The following STX8 variants were observed in gnomAD, a reference collection of about 807,000 sequenced individuals.
STX8 encodes syntaxin-8.
STX8 carries 23 observed loss-of-function variants against 37.5 expected under a neutral mutation model. The observed-to-expected ratio is 0.61, with a 90% CI of 0.44 to 0.87. STX8 has a LOEUF of 0.87. STX8 is among the 40% of genes least tolerant of loss of function. The pLI, the probability that STX8 is intolerant of heterozygous loss-of-function variation, is 0.00. For synonymous variants in STX8, 115 were observed against 99.1 expected, an observed-to-expected ratio of 1.16 and a Z score of -0.95; for missense variants, 313 against 284.7, an observed-to-expected ratio of 1.10 and a Z score of -0.71.
chr17:9,272,083 C>T (rs1007453623), intron 7 of STX8, among the ~76,000 whole-genome samples: 1 of 152,214 alleles, frequency 6.6e-6, no homozygotes, highest in African/African-American at 2.4e-5. Context: ...TCCTAATCCA[C>T]ACCCACGCCA....
intron 4 of STX8, among the ~76,000 whole-genome samples, chr17:9,518,685 G>A (rs1319402088): frequency 1.3e-5 from 2 of 152,002 alleles, no homozygotes; most frequent in African/African-American, 2.4e-5. Flanking sequence ...TGGCCAACAT[G>A]GTGAAACCCC....
At chr17:9,472,696 G>A (rs569539105) in intron 6 of STX8, among the ~76,000 whole-genome samples, 1 of 152,326 alleles carries the variant, frequency 6.6e-6, no homozygotes, top group South Asian at 2.1e-4. Context: ...CCCTCTTGGA[G>A]GTCAAATAGG....
At chr17:9,525,548 G>A (rs1325830652) in intron 4 of STX8, among the ~76,000 whole-genome samples, 1 of 151,744 alleles carries the variant, frequency 6.6e-6, no homozygotes, top group Non-Finnish European at 1.5e-5. Flanking sequence ...GGGTTTCACC[G>A]TGTTAGCCAG....
At chr17:9,310,975 G>A (rs978728913) in intron 7 of STX8, among the ~76,000 whole-genome samples, 7 of 151,968 alleles carry the variant, frequency 4.6e-5, no homozygotes, top group Admixed American at 3.3e-4. Flanking sequence ...GCAATGGCTC[G>A]TGCCTGTAAT....
At chr17:9,480,692 CAG>C (rs1410472570) in intron 6 of STX8, among the ~76,000 whole-genome samples, 1 of 152,124 alleles carries the variant, frequency 6.6e-6, no homozygotes, top group African/African-American at 2.4e-5. Context: ...GAATGAAATG[CAG>C]ACTTGAGAAG....
At chr17:9,497,867 A>G (rs188294874) in intron 5 of STX8, among the ~76,000 whole-genome samples, 2 of 152,340 alleles carry the variant, frequency 1.3e-5, no homozygotes, top group African/African-American at 2.4e-5. Flanking sequence ...GTTTAAATCA[A>G]TGAATGACCA....
chr17:9,482,109 C>G (rs1906374224), intron 6 of STX8, among the ~76,000 whole-genome samples: 1 of 152,084 alleles, frequency 6.6e-6, no homozygotes, highest in South Asian at 2.1e-4. Context: ...GAGCTCCAGG[C>G]CACAGTGTAC....
intron 6 of STX8, among the ~76,000 whole-genome samples, chr17:9,422,205 A>C (rs1425609861): frequency 6.6e-6 from 1 of 151,926 alleles, no homozygotes; most frequent in Non-Finnish European, 1.5e-5. Context: ...CCTGGGTTCA[A>C]GCAATTCTCC....
chr17:9,280,436 C>T (rs182927102), intron 7 of STX8, among the ~76,000 whole-genome samples: 4 of 152,236 alleles, frequency 2.6e-5, no homozygotes, highest in Admixed American at 1.3e-4. Flanking sequence ...GCCTGTAATC[C>T]CAGCTACTTG....
chr17:9,501,797 C>A (rs539946248), intron 5 of STX8, among the ~76,000 whole-genome samples: 1 of 152,024 alleles, frequency 6.6e-6, no homozygotes, highest in South Asian at 2.1e-4. Flanking sequence ...CACGGTGAAA[C>A]CCCATCTCTA....
chr17:9,292,763 A>AT (rs1253980393), intron 7 of STX8, among the ~76,000 whole-genome samples: 1 of 152,180 alleles, frequency 6.6e-6, no homozygotes, highest in Admixed American at 6.5e-5. Context: ...AAGCAGCAGA[A>AT]TTTCCTCTTG....
chr17:9,473,809 C>T (rs77993099), intron 6 of STX8, among the ~76,000 whole-genome samples: 3,590 of 152,280 alleles, frequency 0.024, 59 homozygotes, highest in South Asian at 0.066. Context: ...GAGTGCTAGA[C>T]GTGTCTTTTG....
At chr17:9,359,813 T>C (rs1039675262) in intron 7 of STX8, among the ~76,000 whole-genome samples, 1 of 152,002 alleles carries the variant, frequency 6.6e-6, no homozygotes, top group African/African-American at 2.4e-5. Flanking sequence ...TGGACTGTGA[T>C]AGGAGTTTTA....
intron 6 of STX8, among the ~76,000 whole-genome samples, chr17:9,465,182 T>G (rs142112398): frequency 1.3e-5 from 2 of 151,568 alleles, no homozygotes; most frequent in African/African-American, 4.9e-5. Flanking sequence ...CAGAGGATTA[T>G]TACTTGAAGT....
intron 7 of STX8, among the ~76,000 whole-genome samples, chr17:9,321,867 G>A (rs1016418444): frequency 1.3e-5 from 2 of 152,278 alleles, no homozygotes; most frequent in African/African-American, 4.8e-5. Context: ...AACAGGAAAA[G>A]GAAAAATGGT....
chr17:9,557,334 G>T, intron 3 of STX8, 100 bp downstream of exon 3: 2 of 928,162 alleles, frequency 2.2e-6, no homozygotes, highest in Non-Finnish European at 1.7e-6. Flanking sequence ...TCTTCCTCAA[G>T]CTGTGGGAAA....
intron 7 of STX8, among the ~76,000 whole-genome samples, chr17:9,283,950 G>C (rs1282932130): frequency 6.6e-6 from 1 of 152,224 alleles, no homozygotes; most frequent in Non-Finnish European, 1.5e-5. Flanking sequence ...TTCCTCGGGA[G>C]AGGAAATGAT....
intron 7 of STX8, among the ~76,000 whole-genome samples, chr17:9,252,368 C>T (rs1373899129): frequency 2.0e-5 from 3 of 151,732 alleles, no homozygotes; most frequent in South Asian, 2.1e-4. Context: ...GGCGTGAACC[C>T]GGGAGGCGGA....
Position 9,491,821 on chromosome 17 carries a change from A to C in STX8, c.541+8T>G, listed in dbSNP as rs1567584337. ...GGCAAATCTGGTCAATCCCAGACTT[A>C]TTCTTACCATTTTGTTCATCCAATT... is the stretch of plus-strand genomic sequence containing the variant. On this transcript the variant is annotated splice_region_variant and intron_variant, in intron 6 of 7. Coordinates refer to ENST00000306357, the MANE Select transcript of STX8 (RefSeq NM_004853.3). 9 of 1,611,416 alleles carry C rather than the reference A, an allele frequency of 5.6e-6. No homozygotes were observed. The highest frequency in any genetic ancestry group is 7.6e-6 in the Non-Finnish European group (9 of 1,178,704).
Sources: gnomAD v4.1 joint callset for allele counts (sites outside exome capture counted in the v4.1 genomes callset) on GRCh38, gnomAD v4.1.1 for gene constraint, MANE v1.5 for transcripts, NCBI Gene and HGNC (gene_info 2026-07-23, HGNC 2026-07-21) for gene names.